Variants in GRIK2 observed in about 807,000 individuals in gnomAD.
GRIK2 encodes the protein glutamate receptor ionotropic, kainate 2.
Under a neutral mutation model 100.3 loss-of-function variants are expected in GRIK2, and 32 were observed. That is an observed-to-expected ratio of 0.32 (90% confidence interval 0.24 to 0.43). The LOEUF is 0.43. Ranked by LOEUF, GRIK2 falls within the 20% of genes least tolerant of loss-of-function variation. GRIK2 has a pLI of 1.00. For synonymous variants in GRIK2, 417 were observed against 389.4 expected (o/e 1.07, Z -0.83); for missense variants, 843 against 1,114.9 (o/e 0.76, Z 3.47).
intron 7 of GRIK2, among the ~76,000 whole-genome samples, chr6:101,737,446 C>T (rs1583048359): frequency 6.6e-6 from 1 of 152,174 alleles, no homozygotes; most frequent in East Asian, 1.9e-4. Context: ...CAAATCATAT[C>T]TTATGTGGAT....
chr6:101,782,692 T>G (rs564088780), intron 7 of GRIK2, among the ~76,000 whole-genome samples: 1 of 152,282 alleles, frequency 6.6e-6, no homozygotes, highest in Non-Finnish European at 1.5e-5. Flanking sequence ...CCCTTTGATA[T>G]ACTGATTTCC....
chr6:101,696,238 T>C (rs1772475991), intron 7 of GRIK2, among the ~76,000 whole-genome samples: 1 of 151,888 alleles, frequency 6.6e-6, no homozygotes, highest in Non-Finnish European at 1.5e-5. Context: ...AGAGGAATTT[T>C]ATTTAAAAAT....
intron 10 of GRIK2, among the ~76,000 whole-genome samples, chr6:101,838,552 C>T (rs756428131): frequency 5.9e-5 from 9 of 152,054 alleles, no homozygotes; most frequent in Admixed American, 2.6e-4. Flanking sequence ...AGACCACAGA[C>T]GGAATTTTGT....
At chr6:101,903,012 T>C (rs966964635) in intron 12 of GRIK2, among the ~76,000 whole-genome samples, 1 of 151,854 alleles carries the variant, frequency 6.6e-6, no homozygotes, top group African/African-American at 2.4e-5. Context: ...TACATCATTC[T>C]TAGAGACTTT....
At chr6:101,738,724 A>G (rs1360172955) in intron 7 of GRIK2, among the ~76,000 whole-genome samples, 2 of 152,154 alleles carry the variant, frequency 1.3e-5, no homozygotes, top group African/African-American at 2.4e-5. Context: ...GGACTGTCCT[A>G]TGTAATGTTG....
At chr6:101,604,993 A>T (rs1056522736) in intron 2 of GRIK2, among the ~76,000 whole-genome samples, 4 of 151,996 alleles carry the variant, frequency 2.6e-5, no homozygotes, top group African/African-American at 4.8e-5. Flanking sequence ...GGAATCTTAC[A>T]TAATTAGTGA....
Position 102,035,544 on chromosome 6 carries a change from T to A in GRIK2, c.2289T>A (p.Gly763=). ...TTGGCGGCCTTATAGACTCTAAAGG[T>A]TATGGCGTTGGCACTCCCATGGGTA... The part of the protein sequence containing the change: ...TQIGGLIDSK[G]YGVGTPMGSP... Residue 763 remains glycine (G), a synonymous_variant, in exon 15 of 17, where the codon GGT becomes GGA. Transcript: ENST00000369134. The A allele has an allele frequency of 6.2e-7, 1 of 1,600,898 alleles. No homozygotes were observed. The highest frequency in any genetic ancestry group is 8.6e-7 in the Non-Finnish European group (1 of 1,169,436).
chr6:101,498,896 G>T (rs964631750), intron 2 of GRIK2, among the ~76,000 whole-genome samples: 1 of 152,072 alleles, frequency 6.6e-6, no homozygotes, highest in African/African-American at 2.4e-5. Context: ...GTCAATTTTG[G>T]CTTTTGTTGC....
intron 9 of GRIK2, among the ~76,000 whole-genome samples, chr6:101,813,882 T>G (rs1018619658): frequency 2.0e-5 from 3 of 151,444 alleles, no homozygotes; most frequent in African/African-American, 7.3e-5. Flanking sequence ...GAGAATTGCT[T>G]GAACCCAGGA....
chr6:101,583,797 T>C (rs909696767), intron 2 of GRIK2, among the ~76,000 whole-genome samples: 1 of 152,118 alleles, frequency 6.6e-6, no homozygotes, highest in Non-Finnish European at 1.5e-5. Flanking sequence ...TGTTTGATGT[T>C]GTATGTCTTG....
intron 7 of GRIK2, among the ~76,000 whole-genome samples, chr6:101,767,722 G>A (rs1778124893): frequency 6.6e-6 from 1 of 151,626 alleles, no homozygotes. Context: ...ATGGGTGGTG[G>A]GATCTGAAAT....
chr6:101,867,351 G>A (rs1234043356), intron 11 of GRIK2, among the ~76,000 whole-genome samples: 1 of 145,854 alleles, frequency 6.9e-6, no homozygotes, highest in African/African-American at 2.6e-5. Flanking sequence ...ATTATGAAAA[G>A]TATATAACAT....
chr6:101,929,657 T>A (rs1281688613), intron 14 of GRIK2, among the ~76,000 whole-genome samples: 1 of 152,130 alleles, frequency 6.6e-6, no homozygotes, highest in Non-Finnish European at 1.5e-5. Flanking sequence ...AATTTGGTTT[T>A]ATGTGACTTA....
At chr6:101,612,404 C>T (rs1300751950) in intron 2 of GRIK2, among the ~76,000 whole-genome samples, 1 of 151,776 alleles carries the variant, frequency 6.6e-6, no homozygotes, top group East Asian at 1.9e-4. Flanking sequence ...TTTTTGATGA[C>T]TTTTTATTAA....
At chr6:101,463,050 T>C (rs1372577341) in intron 2 of GRIK2, among the ~76,000 whole-genome samples, 15 of 152,228 alleles carry the variant, frequency 9.9e-5, no homozygotes, top group Admixed American at 9.8e-4. Flanking sequence ...TGGTTAGCCA[T>C]CTTAAAGATT....
intron 2 of GRIK2, among the ~76,000 whole-genome samples, chr6:101,572,960 C>T (rs574496443): frequency 6.6e-6 from 1 of 151,938 alleles, no homozygotes; most frequent in South Asian, 2.1e-4. Context: ...GAGGTTCTTG[C>T]CTCAGCCTCC....
Position 101,440,997 on chromosome 6 carries a change from G to C in GRIK2, c.115+41605G>C, listed in dbSNP as rs534199036. On this transcript the variant is annotated intron_variant, in intron 2 of 16. Coordinates refer to ENST00000369134, the MANE Select transcript of GRIK2 (RefSeq NM_021956.5). Reference sequence around the variant, plus strand: ...ATTTTTTTTTTTTTTTTTTAAGACAGGATCTTATTCTGTCTTGCTGCTCAG... The same window carrying C: ...ATTTTTTTTTTTTTTTTTTAAGACACGATCTTATTCTGTCTTGCTGCTCAG... Among the ~76,000 whole-genome samples the C allele has an allele frequency of 6.2e-5, 9 of 146,052 alleles. No homozygotes were observed. The South Asian group carries it at 1.5e-3, about 25-fold the overall frequency.
intron 2 of GRIK2, among the ~76,000 whole-genome samples, chr6:101,477,548 A>G (rs1265622682): frequency 6.6e-6 from 1 of 152,232 alleles, no homozygotes; most frequent in Non-Finnish European, 1.5e-5. Context: ...TTTTCAGTCC[A>G]TTCTGTTGGC....
chr6:101,768,568 T>G (rs1778183056), intron 7 of GRIK2, among the ~76,000 whole-genome samples: 1 of 152,360 alleles, frequency 6.6e-6, no homozygotes, highest in South Asian at 2.1e-4. Flanking sequence ...ATGAAAGCTG[T>G]CTTCCATAAT....
Sources: allele counts gnomAD v4.1 joint callset (sites outside exome capture counted in the v4.1 genomes callset), GRCh38; gene constraint gnomAD v4.1.1; transcripts MANE v1.5; gene names NCBI Gene and HGNC (gene_info 2026-07-23, HGNC 2026-07-21).